The following TP53BP1 variants were observed in gnomAD, a reference collection of about 807,000 sequenced individuals.
TP53BP1 encodes the protein TP53-binding protein 1.
TP53BP1 carries 61 observed loss-of-function variants against 200.8 expected under a neutral mutation model. That is an observed-to-expected ratio of 0.30 (90% confidence interval 0.25 to 0.38). The LOEUF (loss-of-function observed/expected upper bound fraction) is 0.38, where lower values mean the gene tolerates loss of function less well. Ranked by LOEUF, TP53BP1 falls within the 10% of genes least tolerant of loss-of-function variation. The pLI, the probability that TP53BP1 is intolerant of heterozygous loss-of-function variation, is 1.00. For synonymous variants in TP53BP1, 822 were observed against 844.3 expected (o/e 0.97, Z 0.46); for missense variants, 2,144 against 2,371.9 (o/e 0.90, Z 2.00).
intron 14 of TP53BP1, among the ~76,000 whole-genome samples, chr15:43,443,110 G>A (rs1169875443): frequency 6.6e-6 from 1 of 151,864 alleles, no homozygotes; most frequent in African/African-American, 2.4e-5. Context: ...ACAGGCATGA[G>A]CCACCACACC....
intron 3 of TP53BP1, 100 bp from the exon 4 acceptor site, chr15:43,491,853 G>T: frequency 8.8e-7 from 1 of 1,139,788 alleles, no homozygotes; most frequent in Non-Finnish European, 1.3e-6. Context: ...AGTGACACTA[G>T]CACATCAACT....
chr15:43,462,481 T>C (rs955735696), intron 11 of TP53BP1, among the ~76,000 whole-genome samples: 1 of 151,842 alleles, frequency 6.6e-6, no homozygotes, highest in Non-Finnish European at 1.5e-5. Context: ...GGCTAATTTT[T>C]TTTTTCTTTT....
chr15:43,474,455 C>CAAAAAAAAAAAAAAA (rs398043214), intron 10 of TP53BP1, among the ~76,000 whole-genome samples: 1 of 79,144 alleles, frequency 1.3e-5, no homozygotes. Context: ...TGGGGTTAGA[C>CAAAAAAAAAAAAAAA]AAAAAAAAAA....
At chr15:43,473,626 G>C (rs552288081) in intron 10 of TP53BP1, among the ~76,000 whole-genome samples, 1 of 150,386 alleles carries the variant, frequency 6.6e-6, no homozygotes, top group Non-Finnish European at 1.5e-5. Context: ...CGTCCCACCA[G>C]AGCAGCCAGA....
chr15:43,494,474 T>G (rs967368862), upstream of TP53BP1, among the ~76,000 whole-genome samples: 52 of 152,332 alleles, frequency 3.4e-4, no homozygotes, highest in African/African-American at 1.2e-3. Context: ...AAATCTAGAA[T>G]CTATTACTGC....
intron 13 of TP53BP1, chr15:43,446,942 A>G (rs752375705): frequency 1.3e-5 from 8 of 595,514 alleles, no homozygotes; most frequent in Admixed American, 2.3e-5. Flanking sequence ...GTTAATGTAG[A>G]AGACTACTGG....
chr15:43,449,982 T>C (rs2046129596), intron 12 of TP53BP1, among the ~76,000 whole-genome samples: 1 of 152,212 alleles, frequency 6.6e-6, no homozygotes, highest in Non-Finnish European at 1.5e-5. Flanking sequence ...GCTGGTATAT[T>C]TTATCCTTTT....
chr15:43,484,170 T>C (rs554923276), intron 4 of TP53BP1, among the ~76,000 whole-genome samples: 3 of 152,284 alleles, frequency 2.0e-5, no homozygotes. Context: ...AATCAAAAAC[T>C]TGGAATCTGC....
chr15:43,447,700 G>A (rs1288747797), intron 12 of TP53BP1, among the ~76,000 whole-genome samples: 1 of 151,974 alleles, frequency 6.6e-6, no homozygotes, highest in Non-Finnish European at 1.5e-5. Context: ...AACAACTATA[G>A]TACTGACACA....
At chr15:43,435,179 C>T (rs1354969877) in intron 16 of TP53BP1, among the ~76,000 whole-genome samples, 3 of 146,262 alleles carry the variant, frequency 2.1e-5, no homozygotes, top group Non-Finnish European at 4.4e-5. Context: ...AGGAGAATCC[C>T]TCGAACCTGG....
At chr15:43,495,274 C>T (rs1016912242), upstream of TP53BP1, among the ~76,000 whole-genome samples, 47 of 151,918 alleles carry the variant, frequency 3.1e-4, no homozygotes, top group Admixed American at 1.6e-3. Flanking sequence ...ACGAGGCGGG[C>T]GGATCATGAG....
intron 17 of TP53BP1, among the ~76,000 whole-genome samples, chr15:43,430,220 G>A (rs970832459): frequency 5.9e-5 from 9 of 152,046 alleles, no homozygotes; most frequent in African/African-American, 1.7e-4. Context: ...AAAATTTCAG[G>A]AGTGTCAAAG....
intron 24 of TP53BP1, among the ~76,000 whole-genome samples, chr15:43,410,706 C>T (rs2045088446): frequency 6.6e-6 from 1 of 152,100 alleles, no homozygotes; most frequent in South Asian, 2.1e-4. Flanking sequence ...TACCACTCCC[C>T]TTCCCCTTCA....
At chr15:43,471,972 A>T (rs2046736888) in intron 10 of TP53BP1, among the ~76,000 whole-genome samples, 1 of 152,200 alleles carries the variant, frequency 6.6e-6, no homozygotes, top group Non-Finnish European at 1.5e-5. Context: ...GCCAGAGACA[A>T]ACTTTGTAGC....
Position 43,479,940 on chromosome 15 carries a change from A to G in TP53BP1, c.577T>C (p.Tyr193His). The G allele has an allele frequency of 6.2e-7, 1 of 1,614,154 alleles. No individual in the cohort carries two copies. Among genetic ancestry groups the G allele is most frequent in the Middle Eastern group, 1.6e-4 (1 of 6,062 alleles). Residue 193 changes from tyrosine to histidine, a missense_variant, in exon 6 of 28, where the codon TAT becomes CAT. Physicochemically the swap from Tyr to His is moderately conservative, Grantham distance 83. Coordinates refer to ENST00000382044, the MANE Select transcript of TP53BP1 (RefSeq NM_001141980.3). ...TGTAGCTGCTCTTTGTCCACTTCAT[A>G]TGGCACAGTATTTTCCTCAACATCC... The part of the protein sequence containing the change: ...SQDVEENTVP[Y>H]EVDKEQLQSV...
chr15:43,506,630 A>G (rs1360552174), intron 1 of TP53BP1, among the ~76,000 whole-genome samples: 1 of 152,212 alleles, frequency 6.6e-6, no homozygotes, highest in Non-Finnish European at 1.5e-5. Context: ...TTTGCTTGAC[A>G]AGACTGTGGA....
intron 10 of TP53BP1, 45 bp downstream of exon 10, chr15:43,474,628 C>A (rs748497500): frequency 7.3e-7 from 1 of 1,367,546 alleles, no homozygotes; most frequent in South Asian, 1.2e-5. Flanking sequence ...AAAAGTGTTG[C>A]TCCTCTTCTA....
chr15:43,500,325 A>T (rs2079203089), intron 1 of TP53BP1, among the ~76,000 whole-genome samples: 2 of 152,174 alleles, frequency 1.3e-5, no homozygotes, highest in Admixed American at 1.3e-4. Context: ...AACAGAAAAA[A>T]TTTTAAAAGC....
chr15:43,413,180 G>A lies in TP53BP1; in HGVS notation c.5244C>T (p.Asp1748=), dbSNP rs1353294482. The change falls in exon 24 of 28, where the codon GAC becomes GAT. Residue 1748 remains aspartate (D), a synonymous_variant. Transcript: ENST00000382044. Reference sequence around the variant, plus strand: ...GCAGTTTGGAGCGGCTGGCCAACTTGTCACTGGTTGTGGCCATGGTAAGGA... The same window carrying A: ...GCAGTTTGGAGCGGCTGGCCAACTTATCACTGGTTGTGGCCATGGTAAGGA... ...AFLLTMATTS[D]KLASRSKLPD... The A allele has an allele frequency of 1.2e-6, 2 of 1,614,170 alleles. No homozygotes were observed. The highest frequency in any genetic ancestry group is 1.1e-5 in the South Asian group (1 of 91,084).
Sources: allele counts gnomAD v4.1 joint callset (sites outside exome capture counted in the v4.1 genomes callset), GRCh38; gene constraint gnomAD v4.1.1; transcripts MANE v1.5; gene names NCBI Gene and HGNC (gene_info 2026-07-23, HGNC 2026-07-21).